PLCB1: variants seen among roughly 807,000 people sequenced by gnomAD.
PLCB1 encodes phospholipase C beta 1.
A neutral mutation model predicts 161.8 loss-of-function variants in PLCB1; 46 were observed. The ratio of observed to expected loss-of-function variants is 0.28; its 90% CI spans 0.22 to 0.36. PLCB1 has a LOEUF of 0.36. PLCB1 is among the 10% of genes least tolerant of loss of function. The pLI is 1.00. For synonymous variants in PLCB1, 517 were observed against 503.7 expected (o/e 1.03, Z -0.35); for missense variants, 1,016 against 1,472.5 (o/e 0.69, Z 5.07).
intron 3 of PLCB1, among the ~76,000 whole-genome samples, chr20:8,604,025 G>A (rs929135425): frequency 1.3e-5 from 2 of 152,098 alleles, no homozygotes; most frequent in African/African-American, 4.8e-5. Flanking sequence ...GGCTGAGGTA[G>A]GTGTATCACA....
intron 3 of PLCB1, among the ~76,000 whole-genome samples, chr20:8,384,186 A>C (rs1285840176): frequency 6.6e-6 from 1 of 152,000 alleles, no homozygotes; most frequent in East Asian, 1.9e-4. Flanking sequence ...GTCTTTCTAC[A>C]TAGTCCCATA....
chr20:8,156,055 A>G (rs1206802568), intron 2 of PLCB1, among the ~76,000 whole-genome samples: 4 of 152,174 alleles, frequency 2.6e-5, no homozygotes, highest in East Asian at 3.9e-4. Flanking sequence ...ACACAGTGCC[A>G]TACCCACACC....
At chr20:8,376,166 C>T (rs773452448) in intron 3 of PLCB1, among the ~76,000 whole-genome samples, 5 of 152,104 alleles carry the variant, frequency 3.3e-5, no homozygotes, top group East Asian at 1.9e-4. Context: ...CAAGAATGCA[C>T]GCAGCAATGT....
intron 3 of PLCB1, among the ~76,000 whole-genome samples, chr20:8,375,577 C>A (rs1431911713): frequency 1.3e-5 from 2 of 152,040 alleles, no homozygotes; most frequent in African/African-American, 4.8e-5. Flanking sequence ...CAATACATAT[C>A]GGAGAAGTTT....
chr20:8,751,098 G>A, intron 23 of PLCB1: 1 of 173,746 alleles, frequency 5.8e-6, no homozygotes. Flanking sequence ...ACCAAGCCCG[G>A]CTAATTTTTT....
chr20:8,238,864 G>GC (rs1980458624), intron 2 of PLCB1, among the ~76,000 whole-genome samples: 1 of 136,588 alleles, frequency 7.3e-6, no homozygotes, highest in South Asian at 2.6e-4. Flanking sequence ...TAAATGGGTG[G>GC]CTGGGGGGAA....
intron 3 of PLCB1, among the ~76,000 whole-genome samples, chr20:8,526,613 G>A (rs970134620): frequency 9.9e-5 from 15 of 152,010 alleles, no homozygotes; most frequent in African/African-American, 2.9e-4. Context: ...AATATTTAGC[G>A]TAAGAGTAGT....
chr20:8,307,678 T>C (rs1443347819), intron 2 of PLCB1, among the ~76,000 whole-genome samples: 1 of 152,060 alleles, frequency 6.6e-6, no homozygotes, highest in Non-Finnish European at 1.5e-5. Context: ...CCCAGCACTT[T>C]GGGAGGCCGA....
intron 2 of PLCB1, among the ~76,000 whole-genome samples, chr20:8,163,685 G>A (rs547452535): frequency 3.9e-5 from 6 of 152,198 alleles, no homozygotes; most frequent in Admixed American, 2.0e-4. Context: ...TGGAAATGCC[G>A]GCCGACATAC....
chr20:8,741,377 G>A (rs1182432639), intron 22 of PLCB1, 87 bp from the exon 23 acceptor site: 4 of 846,060 alleles, frequency 4.7e-6, no homozygotes, highest in African/African-American at 1.7e-5. Flanking sequence ...TGCATGGACT[G>A]ATGGTCAGAT....
intron 2 of PLCB1, among the ~76,000 whole-genome samples, chr20:8,270,634 G>C (rs1214130085): frequency 6.6e-6 from 1 of 152,000 alleles, no homozygotes; most frequent in South Asian, 2.1e-4. Context: ...GAAAAAAATA[G>C]GAATCACATT....
In PLCB1 at chr20:8,646,097, T is replaced by C; in HGVS notation, c.385-5T>C. On this transcript the variant is annotated splice_region_variant and splice_polypyrimidine_tract_variant and intron_variant, in intron 4 of 31. Transcript: ENST00000338037. ...GCTAATGCAAGTGTTATTTACATTT[T>C]TCAGGAATGGACAAATGAGGTTTTC... 6.2e-7 allele frequency: 1 copy of C among 1,600,130 alleles called. No individual in the cohort carries two copies. The highest frequency in any genetic ancestry group is 1.7e-4 in the Middle Eastern group (1 of 6,038).
At chr20:8,531,495 G>A (rs567839548) in intron 3 of PLCB1, among the ~76,000 whole-genome samples, 65 of 152,102 alleles carry the variant, frequency 4.3e-4, no homozygotes, top group African/African-American at 1.5e-3. Flanking sequence ...ATATATGTAT[G>A]TATGCATTCC....
rs1600232803 is a variant in PLCB1 at position 8,204,587 on chromosome 20, C to G, written c.177+54216C>G. On this transcript the variant is annotated intron_variant, in intron 2 of 31. Transcript: ENST00000338037. ...CACCTCCTTCCACCCAACCTTGCTC[C>G]CACCATGTGAGATGCTGGCTTCCCC... 2.0e-5 allele frequency among the ~76,000 whole-genome samples: 3 copies of G among 152,070 alleles called. No homozygotes were observed. In the South Asian group the frequency reaches 6.2e-4, roughly 32 times the overall value.
At chr20:8,357,988 AT>A (rs1986417049) in intron 2 of PLCB1, among the ~76,000 whole-genome samples, 1 of 152,162 alleles carries the variant, frequency 6.6e-6, no homozygotes, top group Admixed American at 6.5e-5. Context: ...TTCAGAGTGA[AT>A]TTTTAGGGGA....
rs560416372 is a variant in PLCB1, at chr20:8,437,404, T to C, written c.246+65954T>C. Among the ~76,000 whole-genome samples the C allele has an allele frequency of 2.0e-5, 3 of 152,300 alleles. No homozygotes were observed. In the East Asian group the frequency reaches 5.8e-4, roughly 29 times the overall value. On this transcript the variant is annotated intron_variant, in intron 3 of 31. Transcript: ENST00000338037. ...AACTGTATCAATGGAGTAGAAGAGA[T>C]TAGAAAGTGTTCAAACAAGCATAAC... is the stretch of plus-strand genomic sequence containing the variant.
At chr20:8,391,958 T>C (rs571804034) in intron 3 of PLCB1, among the ~76,000 whole-genome samples, 76 of 151,878 alleles carry the variant, frequency 5.0e-4, no homozygotes, top group African/African-American at 1.8e-3. Flanking sequence ...AGAAACATTT[T>C]GAAATGGGAA....
intron 2 of PLCB1, among the ~76,000 whole-genome samples, chr20:8,223,395 GAACA>G (rs1350557175): frequency 6.6e-6 from 1 of 152,078 alleles, no homozygotes; most frequent in Non-Finnish European, 1.5e-5. Flanking sequence ...AATCAAAATT[GAACA>G]ATCAAGCCTG....
chr20:8,720,738 T>C (rs6056037), intron 14 of PLCB1, among the ~76,000 whole-genome samples: 77,711 of 151,838 alleles, frequency 0.51, 20,600 homozygotes, highest in East Asian at 0.96. Flanking sequence ...AAGAATGACC[T>C]GATTGGCTAT....
Sources: allele counts gnomAD v4.1 joint callset (sites outside exome capture counted in the v4.1 genomes callset), GRCh38; gene constraint gnomAD v4.1.1; transcripts MANE v1.5; gene names NCBI Gene and HGNC (gene_info 2026-07-23, HGNC 2026-07-21).